RALGAPB: variants seen among roughly 807,000 people sequenced by gnomAD.
The protein encoded by RALGAPB is Ral GTPase activating protein non-catalytic subunit beta.
In RALGAPB, 25 loss-of-function variants were observed where a neutral mutation model predicts 161.1. The observed-to-expected ratio is 0.16, with a 90% CI of 0.11 to 0.22. The LOEUF is 0.22. Among genes scored for constraint, RALGAPB ranks in the 10% least tolerant of loss-of-function variants. The pLI is 1.00. For missense variants in RALGAPB, 1,391 were observed against 1,815.2 expected, an observed-to-expected ratio of 0.77 and a Z score of 4.25; for synonymous variants, 629 against 626.1, an observed-to-expected ratio of 1.00 and a Z score of -0.07.
chr20:38,489,526 G>A (rs2085215129), intron 2 of RALGAPB, among the ~76,000 whole-genome samples: 1 of 152,180 alleles, frequency 6.6e-6, no homozygotes, highest in African/African-American at 2.4e-5. Context: ...GGGGCCCTGA[G>A]AATGGAGTGA....
At chr20:38,551,509 G>A (rs780135476) in intron 21 of RALGAPB, among the ~76,000 whole-genome samples, 3 of 152,186 alleles carry the variant, frequency 2.0e-5, no homozygotes, top group Non-Finnish European at 4.4e-5. Flanking sequence ...GGAAAAGGAA[G>A]ACCAGTTCAG....
intron 21 of RALGAPB, among the ~76,000 whole-genome samples, chr20:38,552,630 G>A (rs1203518582): frequency 2.0e-5 from 3 of 152,164 alleles, no homozygotes; most frequent in African/African-American, 7.2e-5. Flanking sequence ...ATGCTTCTAA[G>A]ACAGAAGGAG....
In RALGAPB at chr20:38,516,540, C is replaced by T. The variant is rs760516129; in HGVS notation, c.1051+170C>T. The T allele has an allele frequency of 2.0e-5, 13 of 660,846 alleles. No individual in the cohort carries two copies. The South Asian group carries it at 3.3e-4, about 17-fold the overall frequency. 40.9% of individuals were successfully genotyped at this position (660,846 alleles called of 1,614,324 possible). ...ACAAATAAAATAGCCAGAGGGTTAT[C>T]GTTTCTATGTAAATATTTAGATTGG... On this transcript the variant is annotated intron_variant, in intron 7 of 29. Coordinates refer to ENST00000262879, the MANE Select transcript of RALGAPB (RefSeq NM_020336.4).
At chr20:38,497,060 G>C (rs6026091) in intron 3 of RALGAPB, among the ~76,000 whole-genome samples, 1 of 152,158 alleles carries the variant, frequency 6.6e-6, no homozygotes, top group Non-Finnish European at 1.5e-5. Flanking sequence ...TTATGTGTTA[G>C]GCACATGTTA....
chr20:38,563,941 A>G (rs1332503718), intron 24 of RALGAPB, among the ~76,000 whole-genome samples: 2 of 152,214 alleles, frequency 1.3e-5, no homozygotes, highest in Non-Finnish European at 2.9e-5. Context: ...CAGCCTGAAG[A>G]GGAGAGATTA....
At chr20:38,514,841 C>G (rs984232946) in intron 6 of RALGAPB, among the ~76,000 whole-genome samples, 8 of 152,154 alleles carry the variant, frequency 5.3e-5, no homozygotes, top group African/African-American at 1.9e-4. Flanking sequence ...GTCAGGTACA[C>G]GGGGCATTGG....
chr20:38,492,577 GA>G (rs1203596142), intron 2 of RALGAPB, among the ~76,000 whole-genome samples: 1 of 152,042 alleles, frequency 6.6e-6, no homozygotes, highest in African/African-American at 2.4e-5. Context: ...ATTAAGTGGA[GA>G]AAAAACTCTA....
chr20:38,507,409 G>T (rs1487293661), intron 5 of RALGAPB, among the ~76,000 whole-genome samples: 1 of 151,926 alleles, frequency 6.6e-6, no homozygotes, highest in Non-Finnish European at 1.5e-5. Context: ...GTCTTGCTTT[G>T]TTGCCCAGGC....
At chr20:38,477,457 C>G (rs140366305) in intron 1 of RALGAPB, among the ~76,000 whole-genome samples, 3 of 152,192 alleles carry the variant, frequency 2.0e-5, no homozygotes, top group African/African-American at 7.2e-5. Flanking sequence ...GTCTTTGTTT[C>G]CTGTAATTCA....
In RALGAPB at chr20:38,577,913, G is replaced by A. The variant is rs1490401714; in HGVS notation, c.*2946G>A. 1.3e-5 allele frequency: 2 copies of A among 152,164 alleles called. No individual in the cohort carries two copies. The highest frequency in any genetic ancestry group is 2.9e-5 in the Non-Finnish European group (2 of 68,048). The allele number at this position is 152,164 out of a possible 1,614,324, so 9.4% of individuals were successfully genotyped here. ...GTTACCTTCTCCATACACTAGGGAA[G>A]CATTTGTCAGACTCTGCAGACTGGG... On this transcript the variant is annotated 3_prime_UTR_variant, in exon 30 of 30. Transcript: ENST00000262879.
chr20:38,473,445 C>G (rs912501636), intron 1 of RALGAPB, among the ~76,000 whole-genome samples: 1 of 152,184 alleles, frequency 6.6e-6, no homozygotes, highest in Non-Finnish European at 1.5e-5. Flanking sequence ...CGATGCTGCC[C>G]ATTGCACAGT....
At chr20:38,533,616 A>T (rs1181213081) in intron 15 of RALGAPB, among the ~76,000 whole-genome samples, 1 of 152,184 alleles carries the variant, frequency 6.6e-6, no homozygotes, top group African/African-American at 2.4e-5. Context: ...AGCCATGTTC[A>T]TGAGTTCATG....
chr20:38,521,137 T>C (rs2086277484), intron 9 of RALGAPB, among the ~76,000 whole-genome samples: 2 of 152,148 alleles, frequency 1.3e-5, no homozygotes. Context: ...TTAAGCATCA[T>C]TCTGTAGGGG....
rs2085320265 is a variant in RALGAPB, at chr20:38,492,941, C to T, written c.198C>T (p.Thr66=). ...TTTCTTTTGTCTAGGTAAAATGGAC[C>T]ATGGAAGTAATTTGCTATGGACTGA... The part of the protein sequence containing the change: ...LLKTDKEVKW[T]MEVICYGLTL... The change falls in exon 3 of 30, where the codon ACC becomes ACT. Residue 66 remains threonine (T), a synonymous_variant. Coordinates refer to ENST00000262879, the MANE Select transcript of RALGAPB (RefSeq NM_020336.4). 9.3e-6 allele frequency: 15 copies of T among 1,607,416 alleles called. No homozygotes were observed. The highest frequency in any genetic ancestry group is 1.2e-5 in the Non-Finnish European group (14 of 1,174,300).
chr20:38,514,128 A>G (rs567870971), intron 6 of RALGAPB, among the ~76,000 whole-genome samples: 24 of 152,334 alleles, frequency 1.6e-4, no homozygotes, highest in African/African-American at 5.8e-4. Context: ...GTGAAGATAG[A>G]GCAGTCTTAC....
chr20:38,507,469 G>T (rs1234190228), intron 5 of RALGAPB, among the ~76,000 whole-genome samples: 1 of 151,840 alleles, frequency 6.6e-6, no homozygotes, highest in African/African-American at 2.4e-5. Context: ...ACCTCCCCAG[G>T]CTCAAACAAT....
At chr20:38,554,113 C>A in intron 22 of RALGAPB, 37 bp downstream of exon 22, 1 of 1,476,014 alleles carries the variant, frequency 6.8e-7, no homozygotes, top group South Asian at 1.1e-5. Flanking sequence ...AATATATTCA[C>A]AAGTTAACAT....
intron 5 of RALGAPB, among the ~76,000 whole-genome samples, chr20:38,503,607 T>C (rs528576610): frequency 7.2e-4 from 109 of 152,350 alleles, no homozygotes; most frequent in Non-Finnish European, 1.3e-3. Context: ...ACTCCTGGTA[T>C]AGATGCCATG....
rs1187045900 is a variant in RALGAPB, at chr20:38,567,099, A to G, written c.3821A>G (p.Asp1274Gly). The G allele has an allele frequency of 1.2e-6, 2 of 1,612,940 alleles. No homozygotes were observed. Among genetic ancestry groups the G allele is most frequent in the Admixed American group, 3.3e-5 (2 of 59,898 alleles). Residue 1274 changes from aspartate (D) to glycine (G), a missense_variant, in exon 26 of 30, where the codon GAT becomes GGT. Asp to Gly is a moderately conservative substitution (Grantham distance 94). Transcript: ENST00000262879. ...VVPSPVESLT[D>G]SLESNISDQD... The stretch of plus-strand genomic sequence containing the variant: ...CTTTTTTTCCTTTACCCCATAGCTG[A>G]TTCATTGGAAAGTAACATCTCGGAC...
Sources: allele counts gnomAD v4.1 joint callset (sites outside exome capture counted in the v4.1 genomes callset), GRCh38; gene constraint gnomAD v4.1.1; transcripts MANE v1.5; gene names NCBI Gene and HGNC (gene_info 2026-07-23, HGNC 2026-07-21).